ANK3: variants seen among roughly 807,000 people sequenced by gnomAD.
The protein encoded by ANK3 is ankyrin-3.
Under a neutral mutation model 370.9 loss-of-function variants are expected in ANK3, and 57 were observed. The observed-to-expected ratio is 0.15, with a 90% CI of 0.12 to 0.19. The LOEUF is 0.19. Among genes scored for constraint, ANK3 ranks in the 10% least tolerant of loss-of-function variants. The pLI, the probability that ANK3 is intolerant of heterozygous loss-of-function variation, is 1.00. For synonymous variants in ANK3, 1,929 were observed against 1,946.3 expected, an observed-to-expected ratio of 0.99 and a Z score of 0.23; for missense variants, 4,439 against 5,302.1, an observed-to-expected ratio of 0.84 and a Z score of 5.06.
chr10:60,721,592 G>T (rs2079864223), intron 1 of ANK3, among the ~76,000 whole-genome samples: 1 of 152,140 alleles, frequency 6.6e-6, no homozygotes, highest in African/African-American at 2.4e-5. Flanking sequence ...GGATTCAATG[G>T]ACATTTGTGG....
chr10:60,303,328 C>CA (rs71015782), intron 1 of ANK3, among the ~76,000 whole-genome samples: 15,342 of 151,854 alleles, frequency 0.1, 982 homozygotes, highest in Non-Finnish European at 0.15. Context: ...GGTTAATATC[C>CA]AAAAAATATA....
chr10:60,542,802 T>C (rs527620403), intron 2 of ANK3, among the ~76,000 whole-genome samples: 1 of 152,056 alleles, frequency 6.6e-6, no homozygotes, highest in South Asian at 2.1e-4. Context: ...ATTCAAGCTG[T>C]TGAGAGCCCA....
chr10:60,525,761 A>G (rs2076453625), intron 2 of ANK3, among the ~76,000 whole-genome samples: 1 of 152,160 alleles, frequency 6.6e-6, no homozygotes, highest in Non-Finnish European at 1.5e-5. Context: ...AGGGAATAGA[A>G]TGCCCACATT....
intron 8 of ANK3, among the ~76,000 whole-genome samples, chr10:60,225,766 G>A (rs2097129839): frequency 6.6e-6 from 1 of 151,818 alleles, no homozygotes; most frequent in Non-Finnish European, 1.5e-5. Context: ...ACACCCTTAT[G>A]TTATTTGTAT....
intron 1 of ANK3, among the ~76,000 whole-genome samples, chr10:60,630,299 CATT>C (rs2078464485): frequency 1.3e-5 from 2 of 152,008 alleles, no homozygotes; most frequent in African/African-American, 4.8e-5. Context: ...TATTTTAAGA[CATT>C]AGAGTTAATT....
chr10:60,140,655 C>T (rs1420087010), intron 23 of ANK3: 1 of 1,340,326 alleles, frequency 7.5e-7, no homozygotes, highest in East Asian at 2.9e-5. Context: ...TTGACCACTT[C>T]GCAGACATCC....
At chr10:60,716,741 C>G (rs899761279) in intron 1 of ANK3, among the ~76,000 whole-genome samples, 1 of 152,144 alleles carries the variant, frequency 6.6e-6, no homozygotes, top group Non-Finnish European at 1.5e-5. Flanking sequence ...GTCTCAAACT[C>G]CTGCGCTCAA....
At chr10:60,127,350 G>T (rs1438940350) in intron 25 of ANK3, among the ~76,000 whole-genome samples, 2 of 152,174 alleles carry the variant, frequency 1.3e-5, no homozygotes, top group Non-Finnish European at 2.9e-5. Context: ...TGGGGTTAGG[G>T]ATTCGACCAT....
chr10:60,731,844 T>C (rs1399029930), intron 1 of ANK3, among the ~76,000 whole-genome samples: 4 of 152,212 alleles, frequency 2.6e-5, no homozygotes, highest in African/African-American at 7.2e-5. Context: ...TCTATGCTTT[T>C]ACGAATAAGA....
intron 1 of ANK3, among the ~76,000 whole-genome samples, chr10:60,634,013 T>G (rs2078519388): frequency 6.6e-6 from 1 of 152,186 alleles, no homozygotes; most frequent in African/African-American, 2.4e-5. Flanking sequence ...AATACTTTGA[T>G]CAAAATAAGA....
Position 60,072,919 on chromosome 10 carries a change from A to T in ANK3, c.7962T>A (p.Pro2654=). Residue 2654 remains proline, a synonymous_variant, in exon 37 of 44, where the codon CCT becomes CCA. Coordinates refer to ENST00000280772, the MANE Select transcript of ANK3 (RefSeq NM_020987.5). ...DEWVKARQHG[P]DGQGFPKAEE... is the part of the protein sequence containing the mutation. Reference sequence around the variant, plus strand: ...CGGCCTTGGGGAAGCCTTGTCCATCAGGGCCATGCTGTCTTGCCTTAACCC... The same window carrying T: ...CGGCCTTGGGGAAGCCTTGTCCATCTGGGCCATGCTGTCTTGCCTTAACCC... 1.9e-6 allele frequency: 3 copies of T among 1,614,012 alleles called. No homozygotes were observed. In the South Asian group the frequency reaches 3.3e-5, roughly 18 times the overall value.
chr10:60,317,457 C>T (rs568843235), intron 1 of ANK3, among the ~76,000 whole-genome samples: 2 of 152,158 alleles, frequency 1.3e-5, no homozygotes, highest in East Asian at 3.9e-4. Context: ...TCCCTTGTGT[C>T]CCCCATCCTC....
chr10:60,557,846 A>C lies in ANK3; in HGVS notation c.96+57340T>G, dbSNP rs1334710350. 2.6e-5 allele frequency among the ~76,000 whole-genome samples: 4 copies of C among 152,312 alleles called. No individual in the cohort carries two copies. In the East Asian group the frequency reaches 7.7e-4, roughly 29 times the overall value. On this transcript the variant is annotated intron_variant, in intron 2 of 43. Transcript: ENST00000373827. ...TTTTAAAAACGATTTTAAAATTCAA[A>C]ACACTTCACTGCATTGTTGTTATTA... is the stretch of plus-strand genomic sequence containing the variant.
intron 1 of ANK3, among the ~76,000 whole-genome samples, chr10:60,688,669 C>T (rs1219236556): frequency 1.3e-5 from 2 of 152,158 alleles, no homozygotes; most frequent in African/African-American, 4.8e-5. Context: ...TAAAATCAGG[C>T]CGGGTGCGGT....
At chr10:60,158,397 T>C (rs1304228492) in intron 23 of ANK3, among the ~76,000 whole-genome samples, 1 of 151,944 alleles carries the variant, frequency 6.6e-6, no homozygotes, top group South Asian at 2.1e-4. Flanking sequence ...GAGAAACCTA[T>C]CAAAAATAAT....
At chr10:60,731,980 C>T (rs1335742150) in intron 1 of ANK3, among the ~76,000 whole-genome samples, 1 of 152,198 alleles carries the variant, frequency 6.6e-6, no homozygotes, top group Non-Finnish European at 1.5e-5. Flanking sequence ...CTTTTGAAGA[C>T]TTCTCATTGA....
rs193300574 is a variant in ANK3, at chr10:60,351,249, G to T, written c.114+38176C>A. 7.4e-3 allele frequency among the ~76,000 whole-genome samples: 1,121 copies of T among 152,268 alleles called. 10 individuals are homozygous for T. Among genetic ancestry groups the T allele is most frequent in the African/African-American group, 0.026 (1,077 of 41,538 alleles). ...TTTAAATAGAGAAGATCTATTTAGAGATTCAGACTGGGAAAGTTTTTCTTT... is the reference window on the plus strand; with the variant it reads ...TTTAAATAGAGAAGATCTATTTAGATATTCAGACTGGGAAAGTTTTTCTTT... On this transcript the variant is annotated intron_variant, in intron 1 of 43. Coordinates refer to ENST00000280772, the MANE Select transcript of ANK3 (RefSeq NM_020987.5).
chr10:60,255,334 G>A (rs757549123), intron 7 of ANK3, among the ~76,000 whole-genome samples: 8 of 152,116 alleles, frequency 5.3e-5, no homozygotes, highest in South Asian at 2.1e-4. Flanking sequence ...TAGAAAAAAG[G>A]CTATCAGGCA....
At chr10:60,042,203 T>C (rs1260713030) in intron 43 of ANK3, among the ~76,000 whole-genome samples, 1 of 152,232 alleles carries the variant, frequency 6.6e-6, no homozygotes, top group Non-Finnish European at 1.5e-5. Context: ...CAGATAGATA[T>C]GTCAGTCATT....
Sources: allele counts gnomAD v4.1 joint callset (sites outside exome capture counted in the v4.1 genomes callset), GRCh38; gene constraint gnomAD v4.1.1; transcripts MANE v1.5; gene names NCBI Gene and HGNC (gene_info 2026-07-23, HGNC 2026-07-21).